PCDHA7: variants seen among roughly 807,000 people sequenced by gnomAD.
The protein encoded by PCDHA7 is protocadherin alpha-7.
PCDHA7 carries 37 observed loss-of-function variants against 57.2 expected under a neutral mutation model. The ratio of observed to expected loss-of-function variants is 0.65; its 90% CI spans 0.50 to 0.85. The LOEUF (loss-of-function observed/expected upper bound fraction) is 0.85, where lower values mean the gene tolerates loss of function less well. Ranked by LOEUF, PCDHA7 falls within the 40% of genes least tolerant of loss-of-function variation. PCDHA7 has a pLI of 0.00. For missense variants in PCDHA7, 1,188 were observed against 1,241.8 expected (o/e 0.96, Z 0.65); for synonymous variants, 553 against 558.8 (o/e 0.99, Z 0.15).
chr5:140,843,653 C>T lies in PCDHA7; in HGVS notation c.2355+6915C>T, dbSNP rs2150364582. On this transcript the variant is annotated intron_variant, in intron 1 of 3. Coordinates refer to ENST00000525929, the MANE Select transcript of PCDHA7 (RefSeq NM_018910.3). ...CATGGCCTTCAGCCCCTGCCTTCCT[C>T]CTGATCTGGGATCAGTTGATGTAGG... is the stretch of plus-strand genomic sequence containing the variant. 2.4e-5 allele frequency: 38 copies of T among 1,595,020 alleles called. 6 individuals carry two copies. The highest frequency in any genetic ancestry group is 3.0e-5 in the Non-Finnish European group (35 of 1,164,614).
At chr5:140,956,098 GA>G (rs2095256801) in intron 1 of PCDHA7, among the ~76,000 whole-genome samples, 1 of 152,160 alleles carries the variant, frequency 6.6e-6, no homozygotes, top group African/African-American at 2.4e-5. Context: ...TGCAAACAAA[GA>G]TAATTTGATT....
Position 140,849,936 on chromosome 5 carries a change from G to C in PCDHA7, c.2355+13198G>C, listed in dbSNP as rs2041236618. The C allele has an allele frequency of 2.5e-6, 4 of 1,598,080 alleles. 1 individual carries two copies. Among genetic ancestry groups the C allele is most frequent in the Non-Finnish European group, 3.4e-6 (4 of 1,167,760 alleles). On this transcript the variant is annotated intron_variant, in intron 1 of 3. Transcript: ENST00000525929. ...CCACATCTTCACGGTGTCTGCGCGG[G>C]ACGCTGACGCGCAGGAGAACGCCCT...
In PCDHA7 at chr5:140,851,512, GT is replaced by G. The variant is rs1354131042; in HGVS notation, c.2355+14778del. On this transcript the variant is annotated intron_variant, in intron 1 of 3. Coordinates refer to ENST00000525929, the MANE Select transcript of PCDHA7 (RefSeq NM_018910.3). ...CTTCATTTCAACTTATATAAAATAT[GT>G]TTTAAAATGCCTGACAATGTAGATA... The G allele has an allele frequency of 1.0e-5, 9 of 903,444 alleles. 1 individual carries two copies. The highest frequency in any genetic ancestry group is 1.8e-5 in the African/African-American group (1 of 55,438). 56.0% of individuals were successfully genotyped at this position (903,444 alleles called of 1,614,324 possible). A position where few individuals can be genotyped will look rare whatever the true frequency, so the allele number is the denominator to read the frequency against.
At chr5:140,923,423 G>T (rs533295733) in intron 1 of PCDHA7, among the ~76,000 whole-genome samples, 1 of 152,260 alleles carries the variant, frequency 6.6e-6, no homozygotes, top group East Asian at 1.9e-4. Context: ...GGCTACTTGG[G>T]AGGCTGGGGT....
chr5:140,891,604 C>T (rs1554184885), intron 1 of PCDHA7, among the ~76,000 whole-genome samples: 2 of 152,172 alleles, frequency 1.3e-5, no homozygotes, highest in African/African-American at 4.8e-5. Flanking sequence ...CCATCTATTT[C>T]TACCTTTTAT....
intron 1 of PCDHA7, among the ~76,000 whole-genome samples, chr5:140,922,833 T>C (rs1443634582): frequency 6.6e-6 from 1 of 152,332 alleles, no homozygotes; most frequent in Admixed American, 6.5e-5. Flanking sequence ...TGCTAATAGA[T>C]GTCCTCAAAG....
intron 1 of PCDHA7, among the ~76,000 whole-genome samples, chr5:140,977,965 C>T (rs782117847): frequency 3.3e-5 from 5 of 152,150 alleles, no homozygotes; most frequent in Non-Finnish European, 5.9e-5. Context: ...CCTCAATCTC[C>T]GCCCATGAAA....
At chr5:140,873,007 C>G (rs1363151505) in intron 1 of PCDHA7, among the ~76,000 whole-genome samples, 2 of 152,088 alleles carry the variant, frequency 1.3e-5, no homozygotes, top group East Asian at 3.8e-4. Context: ...AGTCATTCTT[C>G]ATATTTAGTT....
chr5:140,934,239 T>C (rs2089722399), intron 1 of PCDHA7, among the ~76,000 whole-genome samples: 1 of 152,146 alleles, frequency 6.6e-6, no homozygotes, highest in Non-Finnish European at 1.5e-5. Context: ...TACTTAATTG[T>C]GGAGATTTAT....
chr5:140,840,200 G>A (rs1412931294), intron 1 of PCDHA7, among the ~76,000 whole-genome samples: 1 of 151,990 alleles, frequency 6.6e-6, no homozygotes, highest in Non-Finnish European at 1.5e-5. Flanking sequence ...CAAAGGAAAA[G>A]AAGTCATAAA....
At chr5:140,840,796 G>C (rs1776878567) in intron 1 of PCDHA7, among the ~76,000 whole-genome samples, 1 of 152,038 alleles carries the variant, frequency 6.6e-6, no homozygotes. Flanking sequence ...GCTCACCTCA[G>C]AGTAATATAT....
chr5:140,969,389 A>G (rs1554231753), intron 1 of PCDHA7: 8 of 1,592,478 alleles, frequency 5.0e-6, no homozygotes, highest in Admixed American at 1.8e-5. Context: ...ACATCCCCCA[A>G]TATCCTGTGA....
At position 140,856,702 on chromosome 5, in the gene PCDHA7, A is replaced by G. The variant is rs782234318; in HGVS notation, c.2355+19964A>G. The stretch of plus-strand genomic sequence containing the variant: ...TGTTGACAGCAACTGATGGAGGCAA[A>G]CCTGAATTTACCGGATCTGTTTCTC... On this transcript the variant is annotated intron_variant, in intron 1 of 3. Transcript: ENST00000525929. The G allele has an allele frequency of 1.7e-5, 27 of 1,596,504 alleles. 5 individuals are homozygous for G. Among genetic ancestry groups the G allele is most frequent in the Middle Eastern group, 3.3e-4 (2 of 6,020 alleles).
At chr5:140,865,279 T>C (rs2048807818) in intron 1 of PCDHA7, 1 of 152,232 alleles carries the variant, frequency 6.6e-6, no homozygotes, top group African/African-American at 2.4e-5. Flanking sequence ...TATGTAAAAT[T>C]ACTTTGCTCT....
At chr5:140,940,645 A>G (rs1554213545) in intron 1 of PCDHA7, among the ~76,000 whole-genome samples, 1 of 152,156 alleles carries the variant, frequency 6.6e-6, no homozygotes, top group Non-Finnish European at 1.5e-5. Flanking sequence ...TCATTTATTT[A>G]TTTAAATATA....
At chr5:140,908,971 C>T (rs2074247509) in intron 1 of PCDHA7, among the ~76,000 whole-genome samples, 1 of 152,274 alleles carries the variant, frequency 6.6e-6, no homozygotes, top group Admixed American at 6.5e-5. Flanking sequence ...TGATAGGCCC[C>T]ACTCCACTGG....
rs781787163 is a variant in PCDHA7, at chr5:140,869,186, G to A, written c.2355+32448G>A. 7 of 1,614,006 alleles carry A rather than the reference G, an allele frequency of 4.3e-6. No individual in the cohort carries two copies. The South Asian group carries it at 4.4e-5, about 10-fold the overall frequency. ...CTCCTCGAATTCTGGGAGGTGGGGA[G>A]CGGCCAGCTCCACTACTCCGTCTCG... On this transcript the variant is annotated intron_variant, in intron 1 of 3. Transcript: ENST00000525929.
chr5:140,869,343 G>A (rs1554162925), intron 1 of PCDHA7: 1 of 1,613,974 alleles, frequency 6.2e-7, no homozygotes, highest in African/African-American at 1.3e-5. Context: ...TAAATCTGCA[G>A]AATGGCATTT....
At chr5:140,941,191 T>TCTTTC (rs1554213808) in intron 1 of PCDHA7, among the ~76,000 whole-genome samples, 2 of 93,206 alleles carry the variant, frequency 2.1e-5, no homozygotes, top group South Asian at 5.6e-4. Flanking sequence ...GCTTCTTTTT[T>TCTTTC]TTTCTTTCTT....
Sources: gnomAD v4.1 joint callset for allele counts (sites outside exome capture counted in the v4.1 genomes callset) on GRCh38, gnomAD v4.1.1 for gene constraint, MANE v1.5 for transcripts, NCBI Gene and HGNC (gene_info 2026-07-23, HGNC 2026-07-21) for gene names.